Variants in FRMPD1 observed in about 807,000 individuals in gnomAD.
FRMPD1 encodes FERM and PDZ domain containing 1.
A neutral mutation model predicts 117.8 loss-of-function variants in FRMPD1; 76 were observed. The observed-to-expected ratio is 0.65, with a 90% CI of 0.54 to 0.78. The LOEUF is 0.78. Ranked by LOEUF, FRMPD1 falls within the 30% of genes least tolerant of loss-of-function variation. The pLI is 0.00. For synonymous variants in FRMPD1, 783 were observed against 770.4 expected (o/e 1.02, Z -0.27); for missense variants, 1,786 against 1,964.5 (o/e 0.91, Z 1.72).
chr9:37,657,916 C>T (rs1472398801), intron 1 of FRMPD1, among the ~76,000 whole-genome samples: 1 of 151,964 alleles, frequency 6.6e-6, no homozygotes, highest in African/African-American at 2.4e-5. Context: ...CTATTCCATC[C>T]TCAGTTGGCT....
At chr9:37,705,459 C>G (rs1255774007) in intron 2 of FRMPD1, among the ~76,000 whole-genome samples, 1 of 152,072 alleles carries the variant, frequency 6.6e-6, no homozygotes, top group African/African-American at 2.4e-5. Flanking sequence ...CCAAGTCCTG[C>G]TATTTTTTTG....
At chr9:37,742,257 C>T (rs1824458975) in intron 15 of FRMPD1, among the ~76,000 whole-genome samples, 1 of 152,254 alleles carries the variant, frequency 6.6e-6, no homozygotes, top group Admixed American at 6.5e-5. Context: ...AACCACTTTC[C>T]ATGCCCCAGC....
chr9:37,684,097 C>T (rs1382780267), intron 1 of FRMPD1, among the ~76,000 whole-genome samples: 2 of 150,272 alleles, frequency 1.3e-5, no homozygotes, highest in Non-Finnish European at 2.9e-5. Flanking sequence ...TAATACAGTT[C>T]TGCAGAGTGT....
intron 5 of FRMPD1, among the ~76,000 whole-genome samples, chr9:37,715,973 C>T (rs149177114): frequency 0.026 from 3,905 of 152,254 alleles, 82 homozygotes; most frequent in South Asian, 0.079. Context: ...GTGCCGTTGA[C>T]CATTCCTCAT....
chr9:37,638,035 T>G, the FRMPD1 span, among the ~76,000 whole-genome samples: 2 of 65,920 alleles, frequency 3.0e-5, 1 homozygote, highest in East Asian at 4.4e-3. Context: ...TCTCTCTTTC[T>G]TCCTTTCTTT....
intron 1 of FRMPD1, among the ~76,000 whole-genome samples, chr9:37,654,375 G>T (rs1351182545): frequency 6.6e-6 from 1 of 152,240 alleles, no homozygotes; most frequent in Non-Finnish European, 1.5e-5. Flanking sequence ...GTGAGGGTCA[G>T]TGCAGCAGCT....
In FRMPD1 at chr9:37,733,561, A is replaced by G. The variant is rs1465209862; in HGVS notation, c.1084A>G (p.Met362Val). 2 of 1,613,934 alleles carry G rather than the reference A, an allele frequency of 1.2e-6. No homozygotes were observed. Among genetic ancestry groups the G allele is most frequent in the South Asian group, 1.1e-5 (1 of 91,076 alleles). Reference sequence around the variant, plus strand: ...CATCAAGAAAGCCATTAGCTTCCACATGAAGAGGAACCAGAATTTGCTGGA... The same window carrying G: ...CATCAAGAAAGCCATTAGCTTCCACGTGAAGAGGAACCAGAATTTGCTGGA... ...KDIKKAISFH[M>V]KRNQNLLEPR... The change falls in exon 11 of 16, where the codon ATG becomes GTG. Residue 362 changes from methionine (M) to valine (V), a missense_variant. Met to Val is a conservative substitution (Grantham distance 21). Transcript: ENST00000377765.
At chr9:37,725,437 C>T (rs147675329) in intron 7 of FRMPD1, among the ~76,000 whole-genome samples, 1 of 152,330 alleles carries the variant, frequency 6.6e-6, no homozygotes, top group Non-Finnish European at 1.5e-5. Flanking sequence ...CTGCACAGTA[C>T]ATTCACACAC....
chr9:37,697,110 T>C (rs1271512265), intron 2 of FRMPD1, among the ~76,000 whole-genome samples: 5 of 152,234 alleles, frequency 3.3e-5, no homozygotes, highest in Admixed American at 3.3e-4. Flanking sequence ...TGGTTATTGT[T>C]ACAATCATTA....
intron 7 of FRMPD1, among the ~76,000 whole-genome samples, chr9:37,726,851 CG>C (rs1823638700): frequency 6.6e-6 from 1 of 152,014 alleles, no homozygotes; most frequent in Admixed American, 6.6e-5. Context: ...ACCATGAAAG[CG>C]GGACAGAAGC....
intron 7 of FRMPD1, among the ~76,000 whole-genome samples, chr9:37,729,455 G>C (rs73445179): frequency 6.7e-6 from 1 of 149,712 alleles, no homozygotes; most frequent in Non-Finnish European, 1.5e-5. Flanking sequence ...TAGGGACATA[G>C]GAGAGAGGCA....
intron 5 of FRMPD1, among the ~76,000 whole-genome samples, chr9:37,713,959 C>T (rs980880015): frequency 5.3e-5 from 8 of 152,126 alleles, no homozygotes; most frequent in African/African-American, 1.7e-4. Context: ...ACTTCATAAA[C>T]TAGAAAGCAG....
the FRMPD1 span, among the ~76,000 whole-genome samples, chr9:37,627,511 G>T: frequency 6.6e-6 from 1 of 152,138 alleles, no homozygotes; most frequent in East Asian, 1.9e-4. Flanking sequence ...CCCTCACTCT[G>T]TCATCCAGGC....
the FRMPD1 span, among the ~76,000 whole-genome samples, chr9:37,639,738 T>A: frequency 6.6e-6 from 1 of 152,042 alleles, no homozygotes; most frequent in African/African-American, 2.4e-5. Flanking sequence ...GCCTTACCCA[T>A]AAGCTGGGAG....
chr9:37,745,866 A>G lies in FRMPD1; in HGVS notation c.3834A>G (p.Ser1278=). 1 of 1,614,212 alleles carries G rather than the reference A, an allele frequency of 6.2e-7. No individual in the cohort carries two copies. Among genetic ancestry groups the G allele is most frequent in the Non-Finnish European group, 8.5e-7 (1 of 1,180,032 alleles). The change falls in exon 16 of 16, where the codon TCA becomes TCG. Residue 1278 remains serine, a synonymous_variant. Transcript: ENST00000377765. ...HLETSNHCLL[S]EGKSDSSSIC... ...AAACTTCAAACCATTGCTTACTCTCAGAAGGCAAAAGTGACAGCTCTAGCA... is the reference window on the plus strand; with the variant it reads ...AAACTTCAAACCATTGCTTACTCTCGGAAGGCAAAAGTGACAGCTCTAGCA...
chr9:37,681,080 G>A (rs958890227), intron 1 of FRMPD1, among the ~76,000 whole-genome samples: 6 of 151,894 alleles, frequency 4.0e-5, no homozygotes, highest in African/African-American at 7.3e-5. Flanking sequence ...AGGCGTGGTG[G>A]CACGTGCCTG....
the FRMPD1 span, among the ~76,000 whole-genome samples, chr9:37,625,726 C>A: frequency 3.3e-5 from 5 of 152,144 alleles, no homozygotes; most frequent in African/African-American, 9.7e-5. Flanking sequence ...CTGGGGTGGG[C>A]GTGGGGCAGG....
At chr9:37,712,134 G>A (rs887957902) in intron 5 of FRMPD1, among the ~76,000 whole-genome samples, 5 of 152,166 alleles carry the variant, frequency 3.3e-5, no homozygotes, top group Middle Eastern at 3.4e-3. Flanking sequence ...CACATACCAG[G>A]CTACCAAGAA....
the FRMPD1 span, among the ~76,000 whole-genome samples, chr9:37,612,276 G>A: frequency 1.3e-5 from 2 of 152,192 alleles, no homozygotes; most frequent in African/African-American, 4.8e-5. Flanking sequence ...ACAAACTTAT[G>A]AGGGGTGTGT....
Sources: gnomAD v4.1 joint callset for allele counts (sites outside exome capture counted in the v4.1 genomes callset) on GRCh38, gnomAD v4.1.1 for gene constraint, MANE v1.5 for transcripts, NCBI Gene and HGNC (gene_info 2026-07-23, HGNC 2026-07-21) for gene names.